The following DACH1 variants were observed in gnomAD, a reference collection of about 807,000 sequenced individuals.
DACH1 encodes dachshund homolog 1.
DACH1 carries 12 observed loss-of-function variants against 54.2 expected under a neutral mutation model. The observed-to-expected ratio is 0.22, with a 90% CI of 0.14 to 0.36. DACH1 has a LOEUF of 0.36. Among genes scored for constraint, DACH1 ranks in the 10% least tolerant of loss-of-function variants. The pLI, the probability that DACH1 is intolerant of heterozygous loss-of-function variation, is 1.00. For synonymous variants in DACH1, 386 were observed against 366.2 expected, an observed-to-expected ratio of 1.05 and a Z score of -0.62; for missense variants, 805 against 929.8, an observed-to-expected ratio of 0.87 and a Z score of 1.75.
chr13:71,662,347 C>G (rs990332012), intron 2 of DACH1, among the ~76,000 whole-genome samples: 1 of 151,948 alleles, frequency 6.6e-6, no homozygotes, highest in African/African-American at 2.4e-5. Context: ...AATATAACAA[C>G]CATAAATGAT....
At chr13:71,625,182 T>C (rs1346459963) in intron 3 of DACH1, among the ~76,000 whole-genome samples, 2 of 151,998 alleles carry the variant, frequency 1.3e-5, no homozygotes, top group Admixed American at 1.3e-4. Flanking sequence ...AATCGTTTCA[T>C]TATAGCAGCA....
chr13:71,608,302 C>A (rs1328876695), intron 3 of DACH1, among the ~76,000 whole-genome samples: 1 of 151,828 alleles, frequency 6.6e-6, no homozygotes, highest in Non-Finnish European at 1.5e-5. Context: ...CATTAAAATT[C>A]GTTTCTTCTA....
chr13:71,781,038 G>C (rs1886346960), intron 1 of DACH1, among the ~76,000 whole-genome samples: 1 of 152,112 alleles, frequency 6.6e-6, no homozygotes, highest in African/African-American at 2.4e-5. Context: ...GGGAGGCTAA[G>C]GTGGGAGGAT....
At chr13:71,820,666 T>G (rs1426881865) in intron 1 of DACH1, among the ~76,000 whole-genome samples, 1 of 152,132 alleles carries the variant, frequency 6.6e-6, no homozygotes, top group Non-Finnish European at 1.5e-5. Flanking sequence ...ATAAAAATAA[T>G]CACAAGAAGA....
chr13:71,635,320 C>T (rs151006897), intron 2 of DACH1, among the ~76,000 whole-genome samples: 6 of 152,314 alleles, frequency 3.9e-5, no homozygotes, highest in Admixed American at 6.5e-5. Context: ...CCTCAACCCA[C>T]TCTGCATTTA....
intron 2 of DACH1, among the ~76,000 whole-genome samples, chr13:71,645,381 C>T (rs930455752): frequency 1.3e-5 from 2 of 152,064 alleles, no homozygotes; most frequent in African/African-American, 2.4e-5. Context: ...TGTGCGTAAA[C>T]GATTTAGTAA....
At chr13:71,598,152 A>G (rs1782731906) in intron 3 of DACH1, among the ~76,000 whole-genome samples, 1 of 152,180 alleles carries the variant, frequency 6.6e-6, no homozygotes, top group African/African-American at 2.4e-5. Flanking sequence ...ATTAAGATGC[A>G]CTAGCTATAA....
rs575971020 is a variant in DACH1, at chr13:71,747,594, A to G, written c.849-65684T>C. Among the ~76,000 whole-genome samples the G allele has an allele frequency of 1.5e-3, 224 of 152,254 alleles. 5 individuals are homozygous for G. Among genetic ancestry groups the G allele is most frequent in the Admixed American group, 0.014 (220 of 15,292 alleles). Reference sequence around the variant, plus strand: ...AGACTCCATCCCCCTGCCAGAAAAAAGAAAATCAGGCATCCCAGCTAAAAA... The same window carrying G: ...AGACTCCATCCCCCTGCCAGAAAAAGGAAAATCAGGCATCCCAGCTAAAAA... On this transcript the variant is annotated intron_variant, in intron 1 of 10. Transcript: ENST00000613252.
chr13:71,467,259 G>T (rs139289265), intron 10 of DACH1, among the ~76,000 whole-genome samples: 2 of 142,348 alleles, frequency 1.4e-5, no homozygotes, highest in East Asian at 4.2e-4. Context: ...ATTTTTAAAA[G>T]AATAAAATAT....
chr13:71,485,232 T>C (rs1878384010), intron 7 of DACH1, among the ~76,000 whole-genome samples: 1 of 151,000 alleles, frequency 6.6e-6, no homozygotes. Flanking sequence ...GAAGCCATAA[T>C]GAAAGATAGA....
intron 2 of DACH1, among the ~76,000 whole-genome samples, chr13:71,665,435 C>T (rs757066435): frequency 3.9e-5 from 6 of 152,026 alleles, no homozygotes; most frequent in African/African-American, 2.4e-5. Flanking sequence ...TAAAATGTAA[C>T]TATAAAATAT....
chr13:71,748,333 A>G (rs1055645250), intron 1 of DACH1, among the ~76,000 whole-genome samples: 2 of 152,204 alleles, frequency 1.3e-5, no homozygotes, highest in African/African-American at 4.8e-5. Context: ...ACTTCAGTTC[A>G]TAAGGCCAAA....
At chr13:71,862,174 C>T (rs780943940) in intron 1 of DACH1, among the ~76,000 whole-genome samples, 9 of 151,750 alleles carry the variant, frequency 5.9e-5, no homozygotes, top group Non-Finnish European at 1.2e-4. Flanking sequence ...TTGAAAGATC[C>T]TGAGAAAAAA....
intron 2 of DACH1, among the ~76,000 whole-genome samples, chr13:71,638,476 A>G (rs753347450): frequency 8.5e-5 from 13 of 152,236 alleles, no homozygotes; most frequent in Non-Finnish European, 1.8e-4. Flanking sequence ...TCTAACTGAT[A>G]TCAGTGCCAT....
Position 71,440,529 on chromosome 13 carries a change from G to A in DACH1, c.*126C>T, listed in dbSNP as rs1038201881. On this transcript the variant is annotated 3_prime_UTR_variant, in exon 11 of 11. Coordinates refer to ENST00000613252, the MANE Select transcript of DACH1 (RefSeq NM_080759.6). ...TTTGTAGAATACTTAAACTTTTAAA[G>A]AACATTAATACACAAAATTCAGGAA... The A allele has an allele frequency of 1.4e-4, 88 of 624,366 alleles. No individual in the cohort carries two copies. The highest frequency in any genetic ancestry group is 4.4e-4 in the Middle Eastern group (1 of 2,264). 38.7% of individuals were successfully genotyped at this position (624,366 alleles called of 1,614,324 possible).
At chr13:71,519,359 A>T (rs1240740115) in intron 6 of DACH1, among the ~76,000 whole-genome samples, 3 of 151,742 alleles carry the variant, frequency 2.0e-5, no homozygotes, top group African/African-American at 7.3e-5. Context: ...TTTGGCACCT[A>T]ATCTGTTGGT....
rs977752360 is a variant in DACH1 at position 71,656,766 on chromosome 13, AGTTTTCAAGTC to A, written c.964+25018_964+25028del. On this transcript the variant is annotated intron_variant, in intron 2 of 10. Transcript: ENST00000613252. ...AATCTGTACCATGGGAAAGAAGATG[AGTTTTCAAGTC>A]AGAATATATATATTCTGACTTGAAA... Among the ~76,000 whole-genome samples, 53 of 150,488 alleles carry A rather than the reference AGTTTTCAAGTC, an allele frequency of 3.5e-4. 1 individual carries two copies. The highest frequency in any genetic ancestry group is 2.4e-3 in the Admixed American group (36 of 15,116).
intron 1 of DACH1, among the ~76,000 whole-genome samples, chr13:71,743,143 A>G (rs1261229173): frequency 1.3e-5 from 2 of 152,158 alleles, no homozygotes; most frequent in African/African-American, 4.8e-5. Context: ...GCTGTATAAT[A>G]CACTTAACTC....
intron 10 of DACH1, among the ~76,000 whole-genome samples, 183 bp downstream of exon 10, chr13:71,474,958 T>C (rs949361305): frequency 2.6e-5 from 4 of 152,212 alleles, no homozygotes; most frequent in Non-Finnish European, 5.9e-5. Context: ...GACCTGTTAA[T>C]TTAAAGAAAA....
Sources: gnomAD v4.1 joint callset for allele counts (sites outside exome capture counted in the v4.1 genomes callset) on GRCh38, gnomAD v4.1.1 for gene constraint, MANE v1.5 for transcripts, NCBI Gene and HGNC (gene_info 2026-07-23, HGNC 2026-07-21) for gene names.